ARRB1: variants seen among roughly 807,000 people sequenced by gnomAD.
ARRB1 encodes the protein beta-arrestin-1.
A neutral mutation model predicts 56.8 loss-of-function variants in ARRB1; 21 were observed. The observed-to-expected ratio is 0.37, with a 90% CI of 0.26 to 0.53. ARRB1 has a LOEUF of 0.53. Ranked by LOEUF, ARRB1 falls within the 20% of genes least tolerant of loss-of-function variation. The pLI, the probability that ARRB1 is intolerant of heterozygous loss-of-function variation, is 0.88. For synonymous variants in ARRB1, 210 were observed against 218.6 expected (o/e 0.96, Z 0.35); for missense variants, 424 against 553.7 (o/e 0.77, Z 2.35).
rs899280478 is a variant in ARRB1 at position 75,263,850 on chromosome 11, G to C, written c.*2313C>G. Among the ~76,000 whole-genome samples the C allele has an allele frequency of 6.6e-6, 1 of 152,208 alleles. No individual in the cohort carries two copies. The highest frequency in any genetic ancestry group is 1.5e-5 in the Non-Finnish European group (1 of 68,038). ...GTGAGCGTGATGTTGAGGTGCAGGA[G>C]GCTCGGGAAACCAGCCTGACAAACG... is the stretch of plus-strand genomic sequence containing the variant. On this transcript the variant is annotated 3_prime_UTR_variant, in exon 16 of 16. Transcript: ENST00000420843.
At chr11:75,301,292 T>G (rs1305757652) in intron 1 of ARRB1, among the ~76,000 whole-genome samples, 2 of 152,126 alleles carry the variant, frequency 1.3e-5, no homozygotes, top group Non-Finnish European at 2.9e-5. Context: ...GAGCCTCTGG[T>G]GTGGCTGGAG....
intron 9 of ARRB1, 33 bp from the exon 10 acceptor site, chr11:75,276,944 T>C: frequency 6.2e-7 from 1 of 1,609,028 alleles, no homozygotes; most frequent in Non-Finnish European, 8.5e-7. Flanking sequence ...GTGGAGTGAG[T>C]CGGGAATGTA....
intron 1 of ARRB1, among the ~76,000 whole-genome samples, chr11:75,321,381 G>T (rs777676859): frequency 6.6e-6 from 1 of 151,854 alleles, no homozygotes; most frequent in Non-Finnish European, 1.5e-5. Context: ...AGCCCAAGGG[G>T]AGAGTGACCA....
Position 75,263,265 on chromosome 11 carries a change from G to C in ARRB1, c.*2898C>G, listed in dbSNP as rs1945838647. ...AGCACTGGCTCGGCCATGTTTGGGG[G>C]CTGGGAGGTGGTGCCTGGAGTTGAC... On this transcript the variant is annotated 3_prime_UTR_variant, in exon 16 of 16. Coordinates refer to ENST00000420843, the MANE Select transcript of ARRB1 (RefSeq NM_004041.5). Among the ~76,000 whole-genome samples the C allele has an allele frequency of 6.6e-6, 1 of 152,230 alleles. No homozygotes were observed. Among genetic ancestry groups the C allele is most frequent in the Admixed American group, 6.5e-5 (1 of 15,288 alleles).
chr11:75,287,408 C>G (rs1178680763), intron 2 of ARRB1, 33 bp from the exon 3 acceptor site: 1 of 1,552,122 alleles, frequency 6.4e-7, no homozygotes, highest in East Asian at 2.4e-5. Flanking sequence ...GCGTTAGCAG[C>G]TGCAGGCCCA....
At chr11:75,316,996 G>T (rs982126482) in intron 1 of ARRB1, among the ~76,000 whole-genome samples, 2 of 152,172 alleles carry the variant, frequency 1.3e-5, no homozygotes, top group Non-Finnish European at 2.9e-5. Context: ...AACCCGGTAG[G>T]TGGAGGTTGC....
At chr11:75,343,963 C>T (rs765941443) in intron 1 of ARRB1, among the ~76,000 whole-genome samples, 21 of 152,026 alleles carry the variant, frequency 1.4e-4, no homozygotes, top group Non-Finnish European at 2.5e-4. Context: ...CTACAGGCGC[C>T]CGCCACCACG....
At chr11:75,346,069 G>A (rs1189883364) in intron 1 of ARRB1, among the ~76,000 whole-genome samples, 1 of 152,022 alleles carries the variant, frequency 6.6e-6, no homozygotes, top group Admixed American at 6.6e-5. Context: ...AGACCTGCTG[G>A]CCAAGGCTGT....
intron 1 of ARRB1, among the ~76,000 whole-genome samples, chr11:75,293,798 G>C (rs1290379590): frequency 6.6e-6 from 1 of 152,152 alleles, no homozygotes; most frequent in East Asian, 1.9e-4. Flanking sequence ...AGGATGCATG[G>C]GGGCTGGCGC....
At chr11:75,283,206 A>G in intron 5 of ARRB1, 81 bp downstream of exon 5, 1 of 1,429,612 alleles carries the variant, frequency 7.0e-7, no homozygotes, top group African/African-American at 1.4e-5. Context: ...GCTGACCCTC[A>G]CCGCCCTCTT....
chr11:75,267,752 G>A (rs1351000853), intron 14 of ARRB1, 49 bp from the exon 15 acceptor site: 8 of 1,563,704 alleles, frequency 5.1e-6, no homozygotes, highest in Non-Finnish European at 8.8e-7. Flanking sequence ...GTGAGTGGAT[G>A]AGCACGGGGC....
chr11:75,314,623 T>C (rs1321844014), intron 1 of ARRB1, among the ~76,000 whole-genome samples: 1 of 151,882 alleles, frequency 6.6e-6, no homozygotes. Context: ...TTTTTTTCTT[T>C]GAAAAAAAAC....
At chr11:75,347,323 G>A (rs1420567635) in intron 1 of ARRB1, among the ~76,000 whole-genome samples, 2 of 152,182 alleles carry the variant, frequency 1.3e-5, no homozygotes, top group African/African-American at 2.4e-5. Flanking sequence ...CAGCCAAGAT[G>A]GGTCACACAG....
intron 1 of ARRB1, among the ~76,000 whole-genome samples, chr11:75,323,566 G>C (rs1422071476): frequency 6.6e-6 from 1 of 152,182 alleles, no homozygotes; most frequent in Non-Finnish European, 1.5e-5. Context: ...ATTGCAGTGA[G>C]CCCAGATCAC....
At position 75,315,646 on chromosome 11, in the gene ARRB1, G is replaced by A. The variant is rs116441878; in HGVS notation, c.21-25607C>T. Among the ~76,000 whole-genome samples the A allele has an allele frequency of 9.6e-3, 1,461 of 152,234 alleles. 17 individuals carry two copies. Among genetic ancestry groups the A allele is most frequent in the African/African-American group, 0.033 (1,389 of 41,524 alleles). ...TGACCACGTACTCTCCTAGAGAGTG[G>A]TTTTCTTGGTAGGAATAAACGGACA... On this transcript the variant is annotated intron_variant, in intron 1 of 15. Coordinates refer to ENST00000420843, the MANE Select transcript of ARRB1 (RefSeq NM_004041.5).
intron 1 of ARRB1, among the ~76,000 whole-genome samples, chr11:75,325,121 G>A (rs2140499915): frequency 6.6e-6 from 1 of 152,304 alleles, no homozygotes; most frequent in Admixed American, 6.5e-5. Flanking sequence ...AACTGAGGCT[G>A]GCAGTGGGGG....
At chr11:75,268,747 C>G (rs532849898) in intron 14 of ARRB1, 142 bp downstream of exon 14, 1 of 816,702 alleles carries the variant, frequency 1.2e-6, no homozygotes, top group Non-Finnish European at 1.9e-6. Flanking sequence ...AGAAGCAAAT[C>G]GAGTTCTGGA....
chr11:75,281,679 G>A, intron 6 of ARRB1: 3 of 445,648 alleles, frequency 6.7e-6, no homozygotes, highest in Non-Finnish European at 1.2e-5. Flanking sequence ...GTTACATGAG[G>A]CCAGGTGTAG....
rs776135685 is a variant in ARRB1 at position 75,269,022 on chromosome 11, C to T, written c.1023-63G>A. 1.2e-5 allele frequency: 19 copies of T among 1,547,322 alleles called. No homozygotes were observed. The African/African-American group carries it at 1.2e-4, about 10-fold the overall frequency. ...ACTCACAGGCTGTGAGACTTGATGT[C>T]GATGCCCTGTCAGTCCGAGGACTGC... On this transcript the variant is annotated intron_variant, in intron 13 of 15. Transcript: ENST00000420843.
Sources: gnomAD v4.1 joint callset for allele counts (sites outside exome capture counted in the v4.1 genomes callset) on GRCh38, gnomAD v4.1.1 for gene constraint, MANE v1.5 for transcripts, NCBI Gene and HGNC (gene_info 2026-07-23, HGNC 2026-07-21) for gene names.